Variants in CUX1 observed in about 807,000 individuals in gnomAD.
CUX1 encodes the protein protein CASP.
Under a neutral mutation model 158.8 loss-of-function variants are expected in CUX1, and 31 were observed. That is an observed-to-expected ratio of 0.20 (90% CI 0.15 to 0.26). The LOEUF is 0.26. Among genes scored for constraint, CUX1 ranks in the 10% least tolerant of loss-of-function variants. The pLI is 1.00. For missense variants in CUX1, 1,589 were observed against 2,014.6 expected (o/e 0.79, Z 4.04); for synonymous variants, 879 against 862.1 (o/e 1.02, Z -0.34).
intron 14 of CUX1, among the ~76,000 whole-genome samples, chr7:102,270,389 G>A (rs950165283): frequency 6.6e-6 from 1 of 152,206 alleles, no homozygotes; most frequent in Non-Finnish European, 1.5e-5. Flanking sequence ...AGCGTGGAGT[G>A]ACAGTTTCAA....
At chr7:102,093,013 C>G (rs920644540) in intron 4 of CUX1, among the ~76,000 whole-genome samples, 1 of 151,630 alleles carries the variant, frequency 6.6e-6, no homozygotes, top group African/African-American at 2.4e-5. Flanking sequence ...TCCTGCCTTG[C>G]GTTTGTCATT....
intron 2 of CUX1, 145 bp from the exon 3 acceptor site, chr7:102,027,953 T>G (rs1820242804): frequency 1.5e-6 from 1 of 689,580 alleles, no homozygotes; most frequent in South Asian, 1.9e-5. Flanking sequence ...GTTTTAGGAG[T>G]GCAGGAATGG....
intron 4 of CUX1, among the ~76,000 whole-genome samples, chr7:102,080,877 G>C (rs1232368112): frequency 1.3e-5 from 2 of 152,168 alleles, no homozygotes; most frequent in African/African-American, 4.8e-5. Context: ...CTTAGTTGAC[G>C]ATAACATATA....
chr7:102,197,360 A>G lies in CUX1; in HGVS notation c.1894+55A>G, dbSNP rs80150170. ...GTGCGAGCCCGTCACAGAGTTGCAC[A>G]TGTGTGTGTGCATGCGTGCGTGTGT... On this transcript the variant is annotated intron_variant, in intron 15 of 23. Coordinates refer to ENST00000292535, the MANE Select transcript of CUX1 (RefSeq NM_181552.4). 0.052 allele frequency: 81,407 copies of G among 1,562,750 alleles called. 2,465 individuals are homozygous for G. The highest frequency in any genetic ancestry group is 0.12 in the African/African-American group (8,692 of 72,932).
chr7:102,281,362 G>A (rs530232047), intron 20 of CUX1, among the ~76,000 whole-genome samples: 2 of 151,800 alleles, frequency 1.3e-5, no homozygotes, highest in African/African-American at 2.4e-5. Context: ...CTAAAAAAAC[G>A]TTTTTAAAGA....
chr7:102,220,077 G>A (rs1797656555), intron 20 of CUX1, among the ~76,000 whole-genome samples: 1 of 152,236 alleles, frequency 6.6e-6, no homozygotes, highest in Non-Finnish European at 1.5e-5. Flanking sequence ...GCCGGGCACA[G>A]GGCCGGGCAC....
intron 11 of CUX1, among the ~76,000 whole-genome samples, chr7:102,189,355 T>G (rs1308061551): frequency 3.8e-5 from 5 of 132,574 alleles, no homozygotes; most frequent in African/African-American, 1.4e-4. Context: ...TTCCTTCTTT[T>G]TTTTGGGTGC....
chr7:102,109,914 G>T (rs1429142895), intron 6 of CUX1, among the ~76,000 whole-genome samples: 2 of 152,122 alleles, frequency 1.3e-5, no homozygotes, highest in Non-Finnish European at 2.9e-5. Context: ...ATCGTTGAGG[G>T]ACTGTTCAGT....
intron 1 of CUX1, among the ~76,000 whole-genome samples, chr7:101,836,384 G>A (rs925656664): frequency 2.0e-5 from 3 of 152,028 alleles, no homozygotes; most frequent in Admixed American, 1.3e-4. Flanking sequence ...AAACCACCCT[G>A]GGCAATACAG....
chr7:102,232,495 G>A (rs782369256), intron 21 of CUX1, among the ~76,000 whole-genome samples: 13 of 152,074 alleles, frequency 8.5e-5, no homozygotes, highest in South Asian at 4.2e-4. Context: ...TCCCTGCCCC[G>A]GATGGGGAGA....
chr7:102,126,553 A>G (rs1373469324), intron 8 of CUX1, among the ~76,000 whole-genome samples: 1 of 152,114 alleles, frequency 6.6e-6, no homozygotes, highest in African/African-American at 2.4e-5. Flanking sequence ...CGTAACTTGT[A>G]AATACCTTAA....
Position 102,248,795 on chromosome 7 carries a change from C to T in CUX1, c.4271C>T (p.Ala1424Val). ...PAAPEDAATSAAAAPGEGPAA... is the reference protein window; with the variant it reads ...PAAPEDAATSVAAAPGEGPAA... ...GCCCCCGAGGACGCCGCTACCTCAG[C>T]CGCCGCCGCGCCGGGGGAGGGCCCC... The change falls in exon 24 of 24, where the codon GCC (alanine) becomes GTC (valine). Residue 1424 changes from alanine (A) to valine (V), a missense_variant. Ala to Val is a moderately conservative substitution (Grantham distance 64). This residue lies in a region of CUX1 where 344 missense variants were observed against 323.7 expected (regional missense o/e 1.06). Transcript: ENST00000292535. This position sits in a 1 kb window ranked among gnomAD's most constrained non-coding sequence, Gnocchi z 5.8. 4 of 1,075,958 alleles carry T rather than the reference C, an allele frequency of 3.7e-6. No individual in the cohort carries two copies. The highest frequency in any genetic ancestry group is 4.5e-6 in the Non-Finnish European group (4 of 887,256). The allele number at this position is 1,075,958 out of a possible 1,614,324, so 66.7% of individuals were successfully genotyped here.
intron 2 of CUX1, among the ~76,000 whole-genome samples, chr7:102,014,110 G>A (rs10243832): frequency 2.7e-3 from 410 of 152,306 alleles, no homozygotes; most frequent in African/African-American, 9.5e-3. Context: ...TCAGGTCCAA[G>A]CAGCTTCTAA....
At position 102,248,571 on chromosome 7, in the gene CUX1, CGCCGACACCGAGGA is replaced by C. The variant is rs1554537900; in HGVS notation, c.4051_4064del (p.Asp1351GlnfsTer195). On this transcript the variant is annotated frameshift_variant, in exon 24 of 24. Transcript: ENST00000292535. LOFTEE classifies it low-confidence loss of function (END_TRUNC). This position sits in a 1 kb window ranked among gnomAD's most constrained non-coding sequence, Gnocchi z 5.8. ...TGGAGGCCACTGAGGGCCCAGGCAG[CGCCGACACCGAGGA>C]GCCCAAGTCTCAGGGAGAGGCCGAG... The C allele has an allele frequency of 6.7e-7, 1 of 1,487,096 alleles. No individual in the cohort carries two copies. Among genetic ancestry groups the C allele is most frequent in the Non-Finnish European group, 8.9e-7 (1 of 1,123,388 alleles). 92.1% of individuals were successfully genotyped at this position (1,487,096 alleles called of 1,614,324 possible).
intron 2 of CUX1, among the ~76,000 whole-genome samples, chr7:102,003,835 T>C (rs565198942): frequency 6.6e-6 from 1 of 152,276 alleles, no homozygotes; most frequent in South Asian, 2.1e-4. Context: ...ATACTCATAG[T>C]CCGCAGTTTG....
chr7:102,103,579 G>C (rs1830011211), intron 5 of CUX1, among the ~76,000 whole-genome samples: 1 of 152,068 alleles, frequency 6.6e-6, no homozygotes. Context: ...GGGACTGCAG[G>C]TGTGTGCTAC....
At chr7:102,205,843 G>C (rs1481762858) in intron 20 of CUX1, among the ~76,000 whole-genome samples, 2 of 152,120 alleles carry the variant, frequency 1.3e-5, no homozygotes, top group Non-Finnish European at 2.9e-5. Context: ...AGCCCACCGA[G>C]GCTGACCCAT....
chr7:101,958,479 C>CTTTTTTTTT (rs11433173), intron 2 of CUX1, among the ~76,000 whole-genome samples: 1 of 112,106 alleles, frequency 8.9e-6, no homozygotes. Context: ...ATTTTCTTTT[C>CTTTTTTTTT]TTTTTTTTTT....
intron 4 of CUX1, among the ~76,000 whole-genome samples, chr7:102,087,190 G>A (rs1828035388): frequency 6.6e-6 from 1 of 151,838 alleles, no homozygotes; most frequent in Non-Finnish European, 1.5e-5. Flanking sequence ...GTTTTTTCTT[G>A]TATTTTTCCT....
Sources: gnomAD v4.1 joint callset for allele counts (sites outside exome capture counted in the v4.1 genomes callset) on GRCh38, gnomAD v4.1.1 for gene constraint, gnomAD v4.1.1 regional missense constraint, Gnocchi (gnomAD v3.1) non-coding constraint, MANE v1.5 for transcripts, NCBI Gene and HGNC (gene_info 2026-07-23, HGNC 2026-07-21) for gene names.